NRXN3: variants seen among roughly 807,000 people sequenced by gnomAD.
NRXN3 encodes the protein neurexin III.
In NRXN3, 32 loss-of-function variants were observed where a neutral mutation model predicts 137.6. The observed-to-expected ratio is 0.23, with a 90% CI of 0.18 to 0.31. NRXN3 has a LOEUF of 0.31. Ranked by LOEUF, NRXN3 falls within the 10% of genes least tolerant of loss-of-function variation. The pLI is 1.00. For synonymous variants in NRXN3, 798 were observed against 784.5 expected (o/e 1.02, Z -0.29); for missense variants, 1,574 against 2,062.5 (o/e 0.76, Z 4.59).
At chr14:79,699,937 A>C (rs1460072198) in intron 19 of NRXN3, among the ~76,000 whole-genome samples, 1 of 152,062 alleles carries the variant, frequency 6.6e-6, no homozygotes, top group Non-Finnish European at 1.5e-5. Flanking sequence ...TTAGACTGCG[A>C]TGAGGGATTT....
chr14:78,731,384 T>A (rs551169803), intron 8 of NRXN3, among the ~76,000 whole-genome samples: 7 of 152,132 alleles, frequency 4.6e-5, no homozygotes, highest in African/African-American at 1.7e-4. Context: ...AATTAATATA[T>A]ATTTACTGTA....
intron 16 of NRXN3, among the ~76,000 whole-genome samples, chr14:79,524,940 C>A (rs144519768): frequency 6.6e-6 from 1 of 152,190 alleles, no homozygotes; most frequent in Non-Finnish European, 1.5e-5. Flanking sequence ...TCTTCTTGGC[C>A]TCTCTGAGCC....
intron 15 of NRXN3, among the ~76,000 whole-genome samples, chr14:79,423,318 G>A (rs1009795283): frequency 1.3e-5 from 2 of 152,098 alleles, no homozygotes; most frequent in South Asian, 2.1e-4. Context: ...TGTACTCTGG[G>A]TCTTCTCTGA....
chr14:78,607,278 A>G (rs1003590418), intron 4 of NRXN3, among the ~76,000 whole-genome samples: 4 of 151,026 alleles, frequency 2.6e-5, no homozygotes, highest in African/African-American at 5.0e-5. Context: ...ATGAATTCTA[A>G]TATATGGAAT....
chr14:78,833,379 G>T (rs557428761), intron 10 of NRXN3, among the ~76,000 whole-genome samples: 1 of 152,066 alleles, frequency 6.6e-6, no homozygotes, highest in African/African-American at 2.4e-5. Flanking sequence ...ATTCATTTCC[G>T]CAGTCTCCTG....
intron 19 of NRXN3, among the ~76,000 whole-genome samples, chr14:79,800,715 T>G (rs1436680340): frequency 6.6e-6 from 1 of 152,144 alleles, no homozygotes; most frequent in Non-Finnish European, 1.5e-5. Context: ...AGGTTCAACA[T>G]CAGATCCTGC....
intron 15 of NRXN3, among the ~76,000 whole-genome samples, chr14:79,036,301 T>C (rs939805880): frequency 6.6e-6 from 1 of 152,058 alleles, no homozygotes; most frequent in Non-Finnish European, 1.5e-5. Context: ...CTTAAATTTA[T>C]ATATGATCTT....
At chr14:78,348,246 C>T (rs764182149) in intron 4 of NRXN3, among the ~76,000 whole-genome samples, 3 of 152,166 alleles carry the variant, frequency 2.0e-5, no homozygotes, top group Admixed American at 6.5e-5. Context: ...TCAGAGGCTA[C>T]GGTTAACAAG....
chr14:79,169,575 A>G (rs1213834360), intron 15 of NRXN3, among the ~76,000 whole-genome samples: 1 of 152,140 alleles, frequency 6.6e-6, no homozygotes, highest in Non-Finnish European at 1.5e-5. Flanking sequence ...AGGCATGAGC[A>G]TAGCCCTGCT....
At chr14:79,793,988 C>T (rs185510747) in intron 19 of NRXN3, among the ~76,000 whole-genome samples, 101 of 152,308 alleles carry the variant, frequency 6.6e-4, no homozygotes, top group African/African-American at 2.2e-3. Context: ...ATTCTACCAA[C>T]GCTTTTTAAC....
In NRXN3 at chr14:78,547,883, C is replaced by A. The variant is rs2096651429; in HGVS notation, c.758-97237C>A. Reference sequence around the variant, plus strand: ...ATTAATTAAACAAGAAAAATACATTCATGTCATTAAGGGCTGAAACAGCTT... The same window carrying A: ...ATTAATTAAACAAGAAAAATACATTAATGTCATTAAGGGCTGAAACAGCTT... On this transcript the variant is annotated intron_variant, in intron 4 of 20. Transcript: ENST00000335750. Among the ~76,000 whole-genome samples the A allele has an allele frequency of 1.3e-5, 2 of 152,070 alleles. 1 individual carries two copies. The highest frequency in any genetic ancestry group is 4.1e-4 in the South Asian group (2 of 4,824).
At chr14:78,955,023 G>A (rs1012027126) in intron 10 of NRXN3, among the ~76,000 whole-genome samples, 5 of 151,922 alleles carry the variant, frequency 3.3e-5, no homozygotes, top group African/African-American at 7.3e-5. Context: ...GTCATTTTCC[G>A]CTTATCTTGT....
At chr14:79,000,823 T>C (rs566304408) in intron 15 of NRXN3, among the ~76,000 whole-genome samples, 4 of 152,258 alleles carry the variant, frequency 2.6e-5, no homozygotes, top group African/African-American at 4.8e-5. Flanking sequence ...AAAAATAATA[T>C]GTTAAAACAA....
chr14:78,229,187 C>T (rs375947337), intron 1 of NRXN3, among the ~76,000 whole-genome samples: 21 of 151,970 alleles, frequency 1.4e-4, no homozygotes, highest in Admixed American at 7.9e-4. Flanking sequence ...CTATTGTGGC[C>T]GTCATGGGGG....
chr14:78,607,844 A>G (rs6574456), intron 4 of NRXN3, among the ~76,000 whole-genome samples: 21,132 of 152,058 alleles, frequency 0.14, 2,057 homozygotes, highest in African/African-American at 0.27. Flanking sequence ...AGAGCCCCTC[A>G]GTGACATTTT....
Position 79,744,100 on chromosome 14 carries a change from A to G in NRXN3, c.4014+46163A>G, listed in dbSNP as rs1194522964. Among the ~76,000 whole-genome samples the G allele has an allele frequency of 2.6e-5, 4 of 152,298 alleles. No individual in the cohort carries two copies. The East Asian group carries it at 7.7e-4, about 29-fold the overall frequency. ...ATGCATAGATTGGTAAATTGAGATTAATGAGATTCTTCCTTTACTACCACC... is the reference window on the plus strand; with the variant it reads ...ATGCATAGATTGGTAAATTGAGATTGATGAGATTCTTCCTTTACTACCACC... On this transcript the variant is annotated intron_variant, in intron 19 of 20. Coordinates refer to ENST00000335750, the MANE Select transcript of NRXN3 (RefSeq NM_001330195.2).
At position 79,213,786 on chromosome 14, in the gene NRXN3, C is replaced by G. The variant is rs564867479; in HGVS notation, c.3262+225645C>G. ...TCTGCTCGGCCACATCCACACAGTT[C>G]TCTCACTCTTTCAAAATGTCAGCAC... On this transcript the variant is annotated intron_variant, in intron 15 of 20. Coordinates refer to ENST00000335750, the MANE Select transcript of NRXN3 (RefSeq NM_001330195.2). Among the ~76,000 whole-genome samples the G allele has an allele frequency of 2.0e-5, 3 of 152,272 alleles. No homozygotes were observed. In the East Asian group the frequency reaches 5.8e-4, roughly 29 times the overall value.
At chr14:79,840,749 C>T (rs1391249695) in intron 20 of NRXN3, among the ~76,000 whole-genome samples, 1 of 152,126 alleles carries the variant, frequency 6.6e-6, no homozygotes, top group Non-Finnish European at 1.5e-5. Context: ...CGATGTCTGG[C>T]AGAGACTAAG....
At chr14:79,226,938 ATCC>A (rs2071005062) in intron 15 of NRXN3, among the ~76,000 whole-genome samples, 1 of 149,570 alleles carries the variant, frequency 6.7e-6, no homozygotes. Context: ...TTCTCAAGTA[ATCC>A]TCCTGAATAG....
Sources: allele counts gnomAD v4.1 joint callset (sites outside exome capture counted in the v4.1 genomes callset), GRCh38; gene constraint gnomAD v4.1.1; transcripts MANE v1.5; gene names NCBI Gene and HGNC (gene_info 2026-07-23, HGNC 2026-07-21).